PKP1: variants seen among roughly 807,000 people sequenced by gnomAD.
PKP1 encodes the protein plakophilin 1.
PKP1 carries 27 observed loss-of-function variants against 76.4 expected under a neutral mutation model. The observed-to-expected ratio is 0.35, with a 90% CI of 0.26 to 0.49. PKP1 has a LOEUF of 0.49. Among genes scored for constraint, PKP1 ranks in the 20% least tolerant of loss-of-function variants. The pLI is 0.99. For missense variants in PKP1, 964 were observed against 955.2 expected, an observed-to-expected ratio of 1.01 and a Z score of -0.12; for synonymous variants, 404 against 384.2, an observed-to-expected ratio of 1.05 and a Z score of -0.60.
At chr1:201,320,156 C>T in intron 6 of PKP1, 111 bp from the exon 7 acceptor site, 1 of 757,756 alleles carries the variant, frequency 1.3e-6, no homozygotes, top group South Asian at 1.5e-5. Flanking sequence ...GCCCTCCCCT[C>T]TCCTGCCTGT....
At chr1:201,329,229 G>C (rs1173446355) in intron 13 of PKP1, among the ~76,000 whole-genome samples, 1 of 152,124 alleles carries the variant, frequency 6.6e-6, no homozygotes, top group Admixed American at 6.5e-5. Context: ...TCTGGGCTTG[G>C]CCATACACAG....
chr1:201,328,335 G>A (rs1657211539), intron 12 of PKP1: 1 of 318,458 alleles, frequency 3.1e-6, no homozygotes, highest in Non-Finnish European at 6.1e-6. Flanking sequence ...CTGCTCCTGT[G>A]TTTGAGAAAC....
chr1:201,296,285 A>C (rs1656067062), intron 2 of PKP1, among the ~76,000 whole-genome samples: 1 of 152,216 alleles, frequency 6.6e-6, no homozygotes, highest in South Asian at 2.1e-4. Flanking sequence ...AAACCAAACG[A>C]GGTCCAGACA....
intron 8 of PKP1, among the ~76,000 whole-genome samples, 176 bp downstream of exon 8, chr1:201,322,309 C>A (rs1316887570): frequency 1.3e-5 from 2 of 152,178 alleles, no homozygotes; most frequent in Non-Finnish European, 2.9e-5. Flanking sequence ...TGGGTAGAGG[C>A]CATTCATCTT....
chr1:201,299,689 G>T (rs1321217038), intron 2 of PKP1, among the ~76,000 whole-genome samples: 1 of 152,188 alleles, frequency 6.6e-6, no homozygotes, highest in East Asian at 1.9e-4. Flanking sequence ...AGCACTCCAG[G>T]CACCAGGAAA....
rs973653685 is a variant in PKP1, at chr1:201,325,013, T to G, written c.1907T>G (p.Ile636Ser). The G allele has an allele frequency of 5.6e-6, 9 of 1,613,594 alleles. No homozygotes were observed. The African/African-American group carries it at 1.2e-4, about 22-fold the overall frequency. The change falls in exon 11 of 14, where the codon ATC becomes AGC. Residue 636 changes from isoleucine to serine, a missense_variant. Transcript: ENST00000367324. The part of the protein sequence containing the change: ...HTGNTSNSED[I>S]LSSACYTVRN... ...GGCAATACCAGCAACTCCGAAGACA[T>G]CTTGTCCTCGGCCTGCTACACTGTG...
intron 2 of PKP1, among the ~76,000 whole-genome samples, chr1:201,302,355 G>A (rs1265711545): frequency 1.3e-5 from 2 of 152,210 alleles, no homozygotes; most frequent in South Asian, 2.1e-4. Flanking sequence ...AGCAAGAGGA[G>A]GGAGGGACCT....
intron 1 of PKP1, among the ~76,000 whole-genome samples, chr1:201,285,720 C>A (rs1490584099): frequency 6.6e-6 from 1 of 152,208 alleles, no homozygotes; most frequent in African/African-American, 2.4e-5. Flanking sequence ...CCCCAAGGAC[C>A]CCTTTTTCCT....
chr1:201,305,672 G>A (rs1019613427), intron 2 of PKP1, among the ~76,000 whole-genome samples: 4 of 152,134 alleles, frequency 2.6e-5, no homozygotes, highest in African/African-American at 9.7e-5. Flanking sequence ...AGCACCTCCT[G>A]TTCCAGTGCA....
rs1657051271 is a variant in PKP1 at position 201,324,560 on chromosome 1, C to T, written c.1813C>T (p.Pro605Ser). ...CCTCCTGAGCAACATGTCCCGCCACCCTCTGCTGCACAGAGTGATGGGTAA... is the reference window on the plus strand; with the variant it reads ...CCTCCTGAGCAACATGTCCCGCCACTCTCTGCTGCACAGAGTGATGGGTAA... ...ASLLSNMSRH[P>S]LLHRVMGNQV... The change falls in exon 10 of 14, where the codon CCT becomes TCT. Residue 605 changes from proline to serine, a missense_variant. Physicochemically the swap from Pro to Ser is moderately conservative, Grantham distance 74. Coordinates refer to ENST00000367324, the MANE Select transcript of PKP1 (RefSeq NM_001005337.3). 1 of 1,614,158 alleles carries T rather than the reference C, an allele frequency of 6.2e-7. No individual in the cohort carries two copies. Among genetic ancestry groups the T allele is most frequent in the Non-Finnish European group, 8.5e-7 (1 of 1,180,018 alleles).
intron 10 of PKP1, among the ~76,000 whole-genome samples, 154 bp from the exon 11 acceptor site, chr1:201,324,787 C>T (rs1460183030): frequency 6.6e-6 from 1 of 152,198 alleles, no homozygotes; most frequent in African/African-American, 2.4e-5. Flanking sequence ...ATCTGGGTCT[C>T]TGAGCCCTGA....
chr1:201,306,484 C>T (rs1022434502), intron 2 of PKP1, among the ~76,000 whole-genome samples: 4 of 152,182 alleles, frequency 2.6e-5, no homozygotes, highest in African/African-American at 4.8e-5. Context: ...CCAAAAGACC[C>T]GCAAGCTACA....
intron 6 of PKP1, 55 bp downstream of exon 6, chr1:201,318,850 G>A (rs1656852380): frequency 6.9e-7 from 1 of 1,444,318 alleles, no homozygotes; most frequent in Admixed American, 2.0e-5. Flanking sequence ...CCCTTCCCCA[G>A]GCAGCCCCAT....
At chr1:201,323,314 CTGGCATA>C in intron 9 of PKP1, 125 bp downstream of exon 9, 1 of 848,946 alleles carries the variant, frequency 1.2e-6, no homozygotes, top group African/African-American at 1.7e-5. Flanking sequence ...CAGAGTGTGC[CTGGCATA>C]TGCTGGGCTC....
At chr1:201,295,079 A>G (rs1345344930) in intron 2 of PKP1, among the ~76,000 whole-genome samples, 1 of 151,866 alleles carries the variant, frequency 6.6e-6, no homozygotes, top group Non-Finnish European at 1.5e-5. Context: ...CTCTGTGGGA[A>G]TCTGGGGTTC....
At chr1:201,284,638 C>T (rs1655674528) in intron 1 of PKP1, among the ~76,000 whole-genome samples, 2 of 152,216 alleles carry the variant, frequency 1.3e-5, no homozygotes, top group African/African-American at 2.4e-5. Flanking sequence ...GGTCCCTTGA[C>T]GACAGGGAAG....
intron 1 of PKP1, among the ~76,000 whole-genome samples, chr1:201,292,954 G>A (rs1655963363): frequency 1.3e-5 from 2 of 152,224 alleles, no homozygotes; most frequent in East Asian, 1.9e-4. Context: ...TTTAGAGGCA[G>A]GAGAGATTGC....
chr1:201,295,062 G>T (rs1656034247), intron 2 of PKP1, among the ~76,000 whole-genome samples: 1 of 152,060 alleles, frequency 6.6e-6, no homozygotes, highest in Non-Finnish European at 1.5e-5. Flanking sequence ...GGGATTAAAG[G>T]CTGCTTCTCT....
intron 6 of PKP1, chr1:201,319,758 G>A (rs374792525): frequency 8.8e-6 from 14 of 1,582,342 alleles, no homozygotes; most frequent in African/African-American, 1.3e-5. Flanking sequence ...TGCCCAGCCC[G>A]GCCACCCCCA....
Sources: allele counts gnomAD v4.1 joint callset (sites outside exome capture counted in the v4.1 genomes callset), GRCh38; gene constraint gnomAD v4.1.1; transcripts MANE v1.5; gene names NCBI Gene and HGNC (gene_info 2026-07-23, HGNC 2026-07-21).